EYA1: variants seen among roughly 807,000 people sequenced by gnomAD.
EYA1 encodes the protein EYA transcriptional coactivator and phosphatase 1.
A neutral mutation model predicts 82.0 loss-of-function variants in EYA1; 16 were observed. The ratio of observed to expected loss-of-function variants is 0.20; its 90% CI spans 0.13 to 0.30. The LOEUF (loss-of-function observed/expected upper bound fraction) is 0.30. Ranked by LOEUF, EYA1 falls within the 10% of genes least tolerant of loss-of-function variation. The probability of loss-of-function intolerance (pLI) is 1.00; values close to 1 mark genes in which losing one functional copy is unlikely to be tolerated. For missense variants in EYA1, 633 were observed against 730.7 expected (o/e 0.87, Z 1.54); for synonymous variants, 261 against 264.4 (o/e 0.99, Z 0.12).
Position 71,354,929 on chromosome 8 carries a change from C to T in EYA1, c.-4-20G>A. ...ATAGACCTAAAGACAAGAAGCCTTC[C>T]ATTTGACAGATGTACCAAATTCATA... On this transcript the variant is annotated intron_variant, in intron 2 of 17. Coordinates refer to ENST00000340726, the MANE Select transcript of EYA1 (RefSeq NM_000503.6). 1 of 1,611,298 alleles carries T rather than the reference C, an allele frequency of 6.2e-7. No individual in the cohort carries two copies. The highest frequency in any genetic ancestry group is 1.7e-5 in the Admixed American group (1 of 59,882).
intron 2 of EYA1, among the ~76,000 whole-genome samples, chr8:71,489,378 T>C (rs1810820184): frequency 6.6e-6 from 1 of 152,224 alleles, no homozygotes. Context: ...TTTATCATTG[T>C]ACTATATGGC....
At chr8:71,338,981 A>G (rs958793440) in intron 3 of EYA1, among the ~76,000 whole-genome samples, 1 of 152,080 alleles carries the variant, frequency 6.6e-6, no homozygotes, top group Non-Finnish European at 1.5e-5. Context: ...TCAGTTTACC[A>G]TCCCTCTCCC....
intron 4 of EYA1, among the ~76,000 whole-genome samples, chr8:71,333,752 C>T (rs749051236): frequency 5.9e-5 from 9 of 152,126 alleles, no homozygotes; most frequent in Non-Finnish European, 1.2e-4. Context: ...TTTTGCCTAA[C>T]CAAATTTGAA....
intron 10 of EYA1, chr8:71,270,326 C>T: frequency 6.3e-6 from 1 of 159,850 alleles, no homozygotes; most frequent in Non-Finnish European, 1.4e-5. Context: ...CTTATGTTAC[C>T]TATTGAGCTG....
chr8:71,286,183 A>C (rs1421067680), intron 9 of EYA1, among the ~76,000 whole-genome samples: 1 of 152,244 alleles, frequency 6.6e-6, no homozygotes, highest in Non-Finnish European at 1.5e-5. Context: ...CACATCCTGC[A>C]CATGTAACCC....
chr8:71,332,997 G>A (rs1824064562), intron 4 of EYA1, among the ~76,000 whole-genome samples: 2 of 152,058 alleles, frequency 1.3e-5, no homozygotes, highest in African/African-American at 4.8e-5. Flanking sequence ...TCTCCACTAG[G>A]TCCCTTCGTG....
At chr8:71,400,407 G>T (rs762908941) in intron 2 of EYA1, among the ~76,000 whole-genome samples, 2 of 151,902 alleles carry the variant, frequency 1.3e-5, no homozygotes, top group African/African-American at 4.8e-5. Flanking sequence ...TCTGACAAAG[G>T]TCTAATATCC....
At chr8:71,223,792 G>A (rs958515520) in intron 12 of EYA1, among the ~76,000 whole-genome samples, 6 of 152,200 alleles carry the variant, frequency 3.9e-5, no homozygotes, top group Middle Eastern at 3.4e-3. Flanking sequence ...ACCAATCCCC[G>A]GGAATAACTC....
chr8:71,352,687 T>A (rs929849170), intron 3 of EYA1, among the ~76,000 whole-genome samples: 1 of 152,222 alleles, frequency 6.6e-6, no homozygotes, highest in African/African-American at 2.4e-5. Flanking sequence ...GGAGATCACA[T>A]AATTACCTAA....
At chr8:71,322,511 T>G in intron 4 of EYA1, 2 of 511,218 alleles carry the variant, frequency 3.9e-6, no homozygotes, top group Non-Finnish European at 7.0e-6. Context: ...GAAAACGTCA[T>G]CACAATCTTC....
Position 71,546,149 on chromosome 8 carries a change from C to A in EYA1, c.-73+1715G>T, listed in dbSNP as rs147393281. On this transcript the variant is annotated intron_variant, in intron 1 of 18. Coordinates refer to the EYA1 transcript ENST00000643681. ...GGCCAATGCCCCTTCCACCCAGAGTCCTACCTGGTCTCCAAGTCTCATTCA... is the reference window on the plus strand; with the variant it reads ...GGCCAATGCCCCTTCCACCCAGAGTACTACCTGGTCTCCAAGTCTCATTCA... 1.0e-3 allele frequency among the ~76,000 whole-genome samples: 152 copies of A among 152,268 alleles called. No individual in the cohort carries two copies. The South Asian group carries it at 0.014, about 14-fold the overall frequency.
In EYA1 at chr8:71,345,775, C is replaced by T. The variant is rs373160615; in HGVS notation, c.124+9007G>A. 2.6e-3 allele frequency among the ~76,000 whole-genome samples: 393 copies of T among 152,120 alleles called. 1 individual carries two copies. The highest frequency in any genetic ancestry group is 0.01 in the Middle Eastern group (3 of 294). ...CTCACCTGGGGTCCCTTCTTAGTGCCCACTACCCCTTGAATACAGTTTCAA... is the reference window on the plus strand; with the variant it reads ...CTCACCTGGGGTCCCTTCTTAGTGCTCACTACCCCTTGAATACAGTTTCAA... On this transcript the variant is annotated intron_variant, in intron 3 of 17. Coordinates refer to ENST00000340726, the MANE Select transcript of EYA1 (RefSeq NM_000503.6).
chr8:71,511,152 A>G (rs1812570651), intron 2 of EYA1, among the ~76,000 whole-genome samples: 1 of 152,208 alleles, frequency 6.6e-6, no homozygotes. Flanking sequence ...GGTGCTAAAA[A>G]AAAATAAGAT....
chr8:71,470,059 CT>C (rs1243904866), intron 2 of EYA1, among the ~76,000 whole-genome samples: 1 of 152,002 alleles, frequency 6.6e-6, no homozygotes, highest in Non-Finnish European at 1.5e-5. Context: ...GTAGCTGTTA[CT>C]TACAAGAAAC....
intron 2 of EYA1, among the ~76,000 whole-genome samples, chr8:71,430,116 C>A (rs919159756): frequency 1.7e-4 from 26 of 152,068 alleles, no homozygotes; most frequent in African/African-American, 5.3e-4. Flanking sequence ...AATGTATTAG[C>A]CCTATAGTAA....
chr8:71,382,455 G>A (rs1034385136), intron 2 of EYA1, among the ~76,000 whole-genome samples: 1 of 151,998 alleles, frequency 6.6e-6, no homozygotes, highest in Admixed American at 6.6e-5. Flanking sequence ...GGTAAAGTAT[G>A]AACATCACAG....
Position 71,259,380 on chromosome 8 carries a change from C to T in EYA1, c.1050+10360G>A, listed in dbSNP as rs531474080. Among the ~76,000 whole-genome samples, 7 of 152,290 alleles carry T rather than the reference C, an allele frequency of 4.6e-5. No individual in the cohort carries two copies. In the South Asian group the frequency reaches 1.5e-3, roughly 32 times the overall value. The stretch of plus-strand genomic sequence containing the variant: ...CTTCTCTTGCTGTCATTTACCAGTT[C>T]AGTGAGTTCCCACTCCTGGAGCTCT... On this transcript the variant is annotated intron_variant, in intron 11 of 17. Coordinates refer to ENST00000340726, the MANE Select transcript of EYA1 (RefSeq NM_000503.6).
chr8:71,394,954 C>A (rs933136893), intron 2 of EYA1, among the ~76,000 whole-genome samples: 1 of 152,090 alleles, frequency 6.6e-6, no homozygotes, highest in East Asian at 1.9e-4. Flanking sequence ...TGTTTGTATC[C>A]TCTTTTATTT....
intron 2 of EYA1, among the ~76,000 whole-genome samples, chr8:71,452,067 A>G (rs1807427743): frequency 6.6e-6 from 1 of 152,162 alleles, no homozygotes; most frequent in Non-Finnish European, 1.5e-5. Context: ...GGTCACTCCC[A>G]CCCTAATACT....
Sources: allele counts gnomAD v4.1 joint callset (sites outside exome capture counted in the v4.1 genomes callset), GRCh38; gene constraint gnomAD v4.1.1; transcripts MANE v1.5; gene names NCBI Gene and HGNC (gene_info 2026-07-23, HGNC 2026-07-21).